STAT3: variants seen among roughly 807,000 people sequenced by gnomAD.
STAT3 encodes the protein DNA-binding protein APRF.
In STAT3, 7 loss-of-function variants were observed where a neutral mutation model predicts 114.3. That is an observed-to-expected ratio of 0.06 (90% CI 0.03 to 0.11). The LOEUF is 0.11. STAT3 is among the 10% of genes least tolerant of loss of function. The pLI is 1.00. For synonymous variants in STAT3, 331 were observed against 354.5 expected (o/e 0.93, Z 0.74); for missense variants, 364 against 960.9 (o/e 0.38, Z 8.21).
intron 1 of STAT3, among the ~76,000 whole-genome samples, chr17:42,356,249 A>C (rs2083220337): frequency 6.6e-6 from 1 of 152,190 alleles, no homozygotes; most frequent in Non-Finnish European, 1.5e-5. Context: ...AATATAAAAA[A>C]GAAAATAAAA....
chr17:42,325,192 G>A, intron 15 of STAT3, 131 bp from the exon 16 acceptor site: 1 of 837,052 alleles, frequency 1.2e-6, no homozygotes, highest in Middle Eastern at 3.5e-4. Context: ...CCAACTCTAG[G>A]CGAGGAGTGT....
In STAT3 at chr17:42,327,673, G is replaced by A. The variant is rs1195510008; in HGVS notation, c.1282-1474C>T. On this transcript the variant is annotated intron_variant, in intron 14 of 23. Transcript: ENST00000264657. ...ATGTTCATTTTTATACTGCCAAATT[G>A]TTTTCCAAACTGACTACAACAATGT... 2.0e-5 allele frequency among the ~76,000 whole-genome samples: 3 copies of A among 152,178 alleles called. No homozygotes were observed. In the East Asian group the frequency reaches 5.8e-4, roughly 29 times the overall value.
chr17:42,359,941 TC>T (rs1324885981), intron 1 of STAT3, among the ~76,000 whole-genome samples: 2 of 149,988 alleles, frequency 1.3e-5, no homozygotes, highest in African/African-American at 2.5e-5. Flanking sequence ...GCACCTGCAG[TC>T]CCAGCTACTT....
chr17:42,370,406 TG>T lies in STAT3; in HGVS notation c.-24+17872del, dbSNP rs1426919215. Reference sequence around the variant, plus strand: ...GATTACAGGCGCCTGCCACCACACCTGGCTAATTTTTGTATTTTTAGCAGAG... The same window carrying T: ...GATTACAGGCGCCTGCCACCACACCTGCTAATTTTTGTATTTTTAGCAGAG... On this transcript the variant is annotated intron_variant, in intron 1 of 23. Coordinates refer to ENST00000264657, the MANE Select transcript of STAT3 (RefSeq NM_139276.3). 2.0e-5 allele frequency among the ~76,000 whole-genome samples: 3 copies of T among 151,708 alleles called. No individual in the cohort carries two copies. The East Asian group carries it at 5.9e-4, about 30-fold the overall frequency.
rs185386256 is a variant in STAT3, at chr17:42,342,587, C to G, written c.372+2972G>C. ...AGCAGAAAGCAGTTAAATTATTTTGCATTTATGTGTCAGATACTGTTCTAA... is the reference window on the plus strand; with the variant it reads ...AGCAGAAAGCAGTTAAATTATTTTGGATTTATGTGTCAGATACTGTTCTAA... On this transcript the variant is annotated intron_variant, in intron 4 of 23. Coordinates refer to ENST00000264657, the MANE Select transcript of STAT3 (RefSeq NM_139276.3). 1.9e-4 allele frequency among the ~76,000 whole-genome samples: 29 copies of G among 152,126 alleles called. No homozygotes were observed. In the East Asian group the frequency reaches 5.4e-3, roughly 28 times the overall value.
chr17:42,315,607 C>A lies in STAT3; in HGVS notation c.*138G>T. ...AAGTGCCCAGATTGCTCAAAGATAG[C>A]AGAAGTAGGAGATTAAAAAAAATCT... is the stretch of plus-strand genomic sequence containing the variant. On this transcript the variant is annotated 3_prime_UTR_variant, in exon 24 of 24. Transcript: ENST00000264657. 1 of 830,336 alleles carries A rather than the reference C, an allele frequency of 1.2e-6. No individual in the cohort carries two copies. Among genetic ancestry groups the A allele is most frequent in the Non-Finnish European group, 2.0e-6 (1 of 491,644 alleles). The allele number at this position is 830,336 out of a possible 1,614,324, so 51.4% of individuals were successfully genotyped here.
rs530260277 is a variant in STAT3, at chr17:42,331,396, G to A, written c.1109+76C>T. 3 of 1,328,616 alleles carry A rather than the reference G, an allele frequency of 2.3e-6. No individual in the cohort carries two copies. The African/African-American group carries it at 4.4e-5, about 20-fold the overall frequency. The allele number at this position is 1,328,616 out of a possible 1,614,324, so 82.3% of individuals were successfully genotyped here. A position where few individuals can be genotyped will look rare whatever the true frequency, so the allele number is the denominator to read the frequency against. ...TCTCTGAATAAAGACAGAGTCTCTAGTTCAAATGATGTCTGTCAAAGTTCT... is the reference window on the plus strand; with the variant it reads ...TCTCTGAATAAAGACAGAGTCTCTAATTCAAATGATGTCTGTCAAAGTTCT... On this transcript the variant is annotated intron_variant, in intron 11 of 23. Transcript: ENST00000264657.
intron 1 of STAT3, among the ~76,000 whole-genome samples, chr17:42,363,507 G>A (rs112125384): frequency 6.6e-6 from 1 of 151,868 alleles, no homozygotes; most frequent in Non-Finnish European, 1.5e-5. Flanking sequence ...GCAATAATAC[G>A]ATCACAGCTC....
intron 4 of STAT3, among the ~76,000 whole-genome samples, chr17:42,339,769 A>G (rs532680144): frequency 2.0e-5 from 3 of 152,306 alleles, no homozygotes; most frequent in African/African-American, 7.2e-5. Flanking sequence ...ATAAAAAAAA[A>G]GTCCTGCCCT....
At chr17:42,345,204 G>A (rs576761779) in intron 4 of STAT3, among the ~76,000 whole-genome samples, 66 of 151,906 alleles carry the variant, frequency 4.3e-4, no homozygotes, top group African/African-American at 1.5e-3. Flanking sequence ...GGTGGAGGTT[G>A]CAGTGAGCCA....
chr17:42,364,992 AG>A (rs1468809855), intron 1 of STAT3, among the ~76,000 whole-genome samples: 2 of 152,184 alleles, frequency 1.3e-5, no homozygotes, highest in Non-Finnish European at 2.9e-5. Context: ...CTTCAGTCAA[AG>A]GAACTATGAA....
At position 42,322,286 on chromosome 17, in the gene STAT3, T is replaced by C. The variant is rs2081515932; in HGVS notation, c.2097A>G (p.Pro699=). The change falls in exon 21 of 24, where the codon CCA becomes CCG. Residue 699 remains proline (P), a synonymous_variant. Coordinates refer to ENST00000264657, the MANE Select transcript of STAT3 (RefSeq NM_139276.3). ...PESQEHPEAD[P]GSAAPYLKTK... ...GGAACATGGAAAATCAACAACTACC[T>C]GGGTCAGCTTCAGGATGCTCCTGGC... is the stretch of plus-strand genomic sequence containing the variant. 1.9e-6 allele frequency: 3 copies of C among 1,614,110 alleles called. No individual in the cohort carries two copies.
rs1598397624 is a variant in STAT3, at chr17:42,325,047, T to C, written c.1380A>G (p.Pro460=). 6.2e-7 allele frequency: 1 copy of C among 1,613,934 alleles called. No homozygotes were observed. The highest frequency in any genetic ancestry group is 8.5e-7 in the Non-Finnish European group (1 of 1,179,898). Residue 460 remains proline, a synonymous_variant, in exon 16 of 24, where the codon CCA becomes CCG. Coordinates refer to ENST00000264657, the MANE Select transcript of STAT3 (RefSeq NM_139276.3). ...GACAGATGTTGGAGATCACCACAAC[T>C]GGCAAGGAGTGGGTCTGCGGAGGGA... ...LKIDLETHSL[P]VVVISNICQM... is the part of the protein sequence containing the mutation.
chr17:42,366,056 T>C (rs926493711), intron 1 of STAT3, among the ~76,000 whole-genome samples: 3 of 152,176 alleles, frequency 2.0e-5, no homozygotes, highest in African/African-American at 7.2e-5. Flanking sequence ...CTGACAATTC[T>C]CAAATTTATG....
intron 11 of STAT3, among the ~76,000 whole-genome samples, chr17:42,330,583 C>T (rs1440365168): frequency 6.6e-6 from 1 of 151,900 alleles, no homozygotes; most frequent in Non-Finnish European, 1.5e-5. Context: ...TGCCCGCCAC[C>T]ACGCCCAGCT....
chr17:42,386,189 G>C (rs2145419450), intron 1 of STAT3, among the ~76,000 whole-genome samples: 1 of 151,270 alleles, frequency 6.6e-6, no homozygotes, highest in Non-Finnish European at 1.5e-5. Flanking sequence ...GCTGAGGCAG[G>C]AGAATCGCTT....
Position 42,314,418 on chromosome 17 carries a change from G to A in STAT3, c.*1327C>T. The A allele has an allele frequency of 6.0e-6, 1 of 166,366 alleles. No homozygotes were observed. Among genetic ancestry groups the A allele is most frequent in the Non-Finnish European group, 1.3e-5 (1 of 77,452 alleles). The allele number at this position is 166,366 out of a possible 1,614,324, so 10.3% of individuals were successfully genotyped here. A position where few individuals can be genotyped will look rare whatever the true frequency, so the allele number is the denominator to read the frequency against. ...AGACCAGGATTCCTAAAACAAACAG[G>A]ATGAGGGACCTTTAGACACGCAAGG... is the stretch of plus-strand genomic sequence containing the variant. On this transcript the variant is annotated 3_prime_UTR_variant, in exon 24 of 24. Transcript: ENST00000264657.
In STAT3 at chr17:42,322,349, G is replaced by C. The variant is rs2081517805; in HGVS notation, c.2034C>G (p.Pro678=). Residue 678 remains proline, a synonymous_variant, in exon 21 of 24, where the codon CCC becomes CCG. Coordinates refer to ENST00000264657, the MANE Select transcript of STAT3 (RefSeq NM_139276.3). ...SPLVYLYPDI[P]KEEAFGKYCR... ...AATACTTTCCGAATGCCTCCTCCTTGGGAATGTCAGGATAGAGATAGACCA... is the reference window on the plus strand; with the variant it reads ...AATACTTTCCGAATGCCTCCTCCTTCGGAATGTCAGGATAGAGATAGACCA... 1.9e-6 allele frequency: 3 copies of C among 1,614,202 alleles called. No individual in the cohort carries two copies. Among genetic ancestry groups the C allele is most frequent in the Non-Finnish European group, 2.5e-6 (3 of 1,180,038 alleles).
chr17:42,322,901 AG>A, intron 20 of STAT3, 102 bp downstream of exon 20: 3 of 1,549,358 alleles, frequency 1.9e-6, no homozygotes, highest in Non-Finnish European at 2.7e-6. Flanking sequence ...CAGGGAGTCA[AG>A]GCCATCTCCA....
Sources: allele counts gnomAD v4.1 joint callset (sites outside exome capture counted in the v4.1 genomes callset), GRCh38; gene constraint gnomAD v4.1.1; transcripts MANE v1.5; gene names NCBI Gene and HGNC (gene_info 2026-07-23, HGNC 2026-07-21).